ORAI2: variants seen among roughly 807,000 people sequenced by gnomAD.
The protein encoded by ORAI2 is ORAI calcium release-activated calcium modulator 2.
In ORAI2, 10 loss-of-function variants were observed where a neutral mutation model predicts 16.2. The observed-to-expected ratio is 0.62, with a 90% CI of 0.38 to 1.04. The LOEUF is 1.04. Among genes scored for constraint, ORAI2 ranks in the 50% least tolerant of loss-of-function variants. ORAI2 has a pLI of 0.01. For synonymous variants in ORAI2, 150 were observed against 157.5 expected, an observed-to-expected ratio of 0.95 and a Z score of 0.35; for missense variants, 238 against 355.5, an observed-to-expected ratio of 0.67 and a Z score of 2.66.
intron 3 of ORAI2, among the ~76,000 whole-genome samples, chr7:102,445,562 C>T (rs1797328633): frequency 1.3e-5 from 2 of 152,132 alleles, no homozygotes; most frequent in Non-Finnish European, 2.9e-5. Flanking sequence ...GCGATCCTCC[C>T]ACCTCAGTCT....
intron 2 of ORAI2, among the ~76,000 whole-genome samples, chr7:102,438,440 TCAGAATCA>T (rs1797115125): frequency 1.3e-5 from 2 of 152,194 alleles, no homozygotes. Flanking sequence ...GCTGTCATGC[TCAGAATCA>T]CACAGTAGAG....
rs767828985 is a variant in ORAI2 at position 102,446,521 on chromosome 7, G to C, written c.234G>C (p.Met78Ile). Residue 78 changes from methionine (M) to isoleucine (I), a missense_variant, in exon 4 of 4, where the codon ATG becomes ATC. Physicochemically the swap from Met to Ile is conservative, Grantham distance 10. Around this residue, in one of 3 missense-constraint regions of ORAI2, gnomAD observed 176 missense variants for 265.9 expected, o/e 0.66. Transcript: ENST00000495936. ...ALLSGFAMVAMVEVQLETQYQ... is the reference protein window; with the variant it reads ...ALLSGFAMVAIVEVQLETQYQ... ...GTCTGCTGTCCCCGCAGGTGGCCAT[G>C]GTGGAGGTGCAGCTGGAGACGCAGT... is the stretch of plus-strand genomic sequence containing the variant. 18 of 1,607,534 alleles carry C rather than the reference G, an allele frequency of 1.1e-5. No individual in the cohort carries two copies. Among genetic ancestry groups the C allele is most frequent in the Non-Finnish European group, 1.4e-5 (17 of 1,177,356 alleles).
chr7:102,438,813 C>A, intron 2 of ORAI2, 131 bp from the exon 3 acceptor site: 2 of 763,414 alleles, frequency 2.6e-6, no homozygotes, highest in Non-Finnish European at 2.2e-6. Context: ...AGGTCCTGGG[C>A]ACTTTCTAAA....
rs562261466 is a variant in ORAI2 at position 102,442,917 on chromosome 7, G to C, written c.226-3596G>C. 5.7e-4 allele frequency among the ~76,000 whole-genome samples: 86 copies of C among 151,060 alleles called. 2 individuals carry two copies. In the South Asian group the frequency reaches 0.015, roughly 26 times the overall value. On this transcript the variant is annotated intron_variant, in intron 3 of 3. Coordinates refer to ENST00000495936, the MANE Select transcript of ORAI2 (RefSeq NM_001126340.3). ...TGCCTGTAGTCCCAGCTATTGGGGAGACTGAGGAAGGAGAATCACTTGAAC... is the reference window on the plus strand; with the variant it reads ...TGCCTGTAGTCCCAGCTATTGGGGACACTGAGGAAGGAGAATCACTTGAAC...
chr7:102,450,206 A>G lies in ORAI2; in HGVS notation c.*3154A>G, dbSNP rs1797486172. Reference sequence around the variant, plus strand: ...AGTGAGACCCTGTCTCTAAAAAAAAAAAAAAGAAAATAAAGAAAAAAGAAT... The same window carrying G: ...AGTGAGACCCTGTCTCTAAAAAAAAGAAAAAGAAAATAAAGAAAAAAGAAT... On this transcript the variant is annotated 3_prime_UTR_variant, in exon 4 of 4. Transcript: ENST00000495936. 1 of 152,232 alleles carries G rather than the reference A, an allele frequency of 6.6e-6. No homozygotes were observed. Among genetic ancestry groups the G allele is most frequent in the African/African-American group, 2.4e-5 (1 of 41,434 alleles). 9.4% of individuals were successfully genotyped at this position (152,232 alleles called of 1,614,324 possible).
At chr7:102,443,129 TTC>T (rs1278825648) in intron 3 of ORAI2, among the ~76,000 whole-genome samples, 7 of 56,906 alleles carry the variant, frequency 1.2e-4, no homozygotes, top group African/African-American at 1.8e-4. Context: ...CTTCTTCTTC[TTC>T]TTTTTTTTTT....
intron 1 of ORAI2, among the ~76,000 whole-genome samples, chr7:102,434,049 A>C (rs1796994339): frequency 6.7e-6 from 1 of 148,262 alleles, no homozygotes; most frequent in Admixed American, 6.8e-5. Flanking sequence ...GCCAGCCAGG[A>C]AGAAAAGCTC....
Position 102,448,921 on chromosome 7 carries a change from T to C in ORAI2, c.*1869T>C, listed in dbSNP as rs984660650. ...ATCACTGGGCTTCTTCATGCTCTGATCACATCTCTCGTAAAAGCTTAAGCT... is the reference window on the plus strand; with the variant it reads ...ATCACTGGGCTTCTTCATGCTCTGACCACATCTCTCGTAAAAGCTTAAGCT... On this transcript the variant is annotated 3_prime_UTR_variant, in exon 4 of 4. Transcript: ENST00000495936. 8 of 151,426 alleles carry C rather than the reference T, an allele frequency of 5.3e-5. No homozygotes were observed. The highest frequency in any genetic ancestry group is 1.9e-4 in the African/African-American group (8 of 41,164). The allele number at this position is 151,426 out of a possible 1,614,324, so 9.4% of individuals were successfully genotyped here. A position where few individuals can be genotyped will look rare whatever the true frequency, so the allele number is the denominator to read the frequency against.
chr7:102,443,459 C>G (rs1797269042), intron 3 of ORAI2, among the ~76,000 whole-genome samples: 1 of 151,454 alleles, frequency 6.6e-6, no homozygotes, highest in Non-Finnish European at 1.5e-5. Flanking sequence ...AACAAAACCA[C>G]TTTTTGCAAG....
At chr7:102,446,408 G>C (rs73712481) in intron 3 of ORAI2, 105 bp from the exon 4 acceptor site, 10 of 1,237,472 alleles carry the variant, frequency 8.1e-6, no homozygotes, top group Non-Finnish European at 9.9e-6. Context: ...TGGCTACCCT[G>C]TCCCCCGAAC....
At chr7:102,445,867 TTTC>T (rs898972374) in intron 3 of ORAI2, among the ~76,000 whole-genome samples, 3 of 151,894 alleles carry the variant, frequency 2.0e-5, no homozygotes, top group African/African-American at 7.3e-5. Context: ...CTTCTTTCTT[TTTC>T]TTTTCTTTCT....
At position 102,454,008 on chromosome 7, in the gene ORAI2, C is replaced by G. The variant is rs558626321; in HGVS notation, c.*6956C>G. ...CCTCCCAAAGTGCTGGGATTATAGG[C>G]GTGAGCCACCTCGTCCGGCCCAAGA... is the stretch of plus-strand genomic sequence containing the variant. On this transcript the variant is annotated 3_prime_UTR_variant, in exon 4 of 4. Coordinates refer to ENST00000495936, the MANE Select transcript of ORAI2 (RefSeq NM_001126340.3). The G allele has an allele frequency of 6.6e-6, 1 of 151,812 alleles. No individual in the cohort carries two copies. Among genetic ancestry groups the G allele is most frequent in the Non-Finnish European group, 1.5e-5 (1 of 68,104 alleles). 9.4% of individuals were successfully genotyped at this position (151,812 alleles called of 1,614,324 possible). A position where few individuals can be genotyped will look rare whatever the true frequency, so the allele number is the denominator to read the frequency against.
At chr7:102,443,089 TTTCTTC>T (rs368278302) in intron 3 of ORAI2, among the ~76,000 whole-genome samples, 4,801 of 125,576 alleles carry the variant, frequency 0.038, 131 homozygotes, top group African/African-American at 0.069. Flanking sequence ...TGCCTTCTCT[TTTCTTC>T]TTCTTCTTCT....
chr7:102,439,209 C>T (rs1273267605), intron 3 of ORAI2, 28 bp downstream of exon 3: 2 of 1,590,776 alleles, frequency 1.3e-6, no homozygotes, highest in Non-Finnish European at 1.7e-6. Flanking sequence ...GTGAGGAGCA[C>T]ACTGGTCAGA....
chr7:102,442,028 GC>G (rs748889578), intron 3 of ORAI2, among the ~76,000 whole-genome samples: 3 of 152,110 alleles, frequency 2.0e-5, no homozygotes, highest in East Asian at 3.8e-4. Flanking sequence ...CCTTTGTCTA[GC>G]AACACGTGCT....
At chr7:102,444,439 GAA>G (rs1797289516) in intron 3 of ORAI2, among the ~76,000 whole-genome samples, 1 of 151,568 alleles carries the variant, frequency 6.6e-6, no homozygotes, top group African/African-American at 2.4e-5. Context: ...TTTTCACAGA[GAA>G]AGAGTTTTGC....
In ORAI2 at chr7:102,451,117, C is replaced by T. The variant is rs6465865; in HGVS notation, c.*4065C>T. ...TCGGGAGGCAGAGGCAGGAGAATGG[C>T]GTGAACCCGGGAGGCGGAGGTTGCA... On this transcript the variant is annotated 3_prime_UTR_variant, in exon 4 of 4. Transcript: ENST00000495936. 18,548 of 150,520 alleles carry T rather than the reference C, an allele frequency of 0.12. 1,977 individuals are homozygous for T. Among genetic ancestry groups the T allele is most frequent in the East Asian group, 0.42 (2,134 of 5,090 alleles). 9.3% of individuals were successfully genotyped at this position (150,520 alleles called of 1,614,324 possible). A position where few individuals can be genotyped will look rare whatever the true frequency, so the allele number is the denominator to read the frequency against.
Position 102,436,261 on chromosome 7 carries a change from G to C in ORAI2, c.-86G>C. On this transcript the variant is annotated 5_prime_UTR_variant, in exon 2 of 4. Transcript: ENST00000495936. The stretch of plus-strand genomic sequence containing the variant: ...CCCAGGGATGGAAGTGCTTGGATGC[G>C]GTGCTGCTGGCTGCGGATGTGCGCA... 2 of 978,252 alleles carry C rather than the reference G, an allele frequency of 2.0e-6. No homozygotes were observed. Among genetic ancestry groups the C allele is most frequent in the Non-Finnish European group, 2.4e-6 (2 of 823,220 alleles). 60.6% of individuals were successfully genotyped at this position (978,252 alleles called of 1,614,324 possible). A position where few individuals can be genotyped will look rare whatever the true frequency, so the allele number is the denominator to read the frequency against.
intron 3 of ORAI2, among the ~76,000 whole-genome samples, chr7:102,441,680 T>C (rs57369710): frequency 0.022 from 3,403 of 152,066 alleles, 166 homozygotes; most frequent in African/African-American, 0.077. Context: ...TTTGTTTTTT[T>C]CCCCCAAGTA....
Sources: allele counts gnomAD v4.1 joint callset (sites outside exome capture counted in the v4.1 genomes callset), GRCh38; gene constraint gnomAD v4.1.1; regional missense constraint gnomAD v4.1.1; transcripts MANE v1.5; gene names NCBI Gene and HGNC (gene_info 2026-07-23, HGNC 2026-07-21).